The following NCKAP5 variants were observed in gnomAD, a reference collection of about 807,000 sequenced individuals.
NCKAP5 encodes NCK associated protein 5.
In NCKAP5, 92 loss-of-function variants were observed where a neutral mutation model predicts 167.0. That is an observed-to-expected ratio of 0.55 (90% CI 0.47 to 0.66). The LOEUF is 0.66. NCKAP5 is among the 30% of genes least tolerant of loss of function. The pLI is 0.00. For synonymous variants in NCKAP5, 891 were observed against 877.4 expected, an observed-to-expected ratio of 1.02 and a Z score of -0.27; for missense variants, 2,378 against 2,315.0, an observed-to-expected ratio of 1.03 and a Z score of -0.56.
chr2:133,252,896 G>C (rs920051135), intron 4 of NCKAP5, among the ~76,000 whole-genome samples: 6 of 152,202 alleles, frequency 3.9e-5, no homozygotes, highest in African/African-American at 1.4e-4. Context: ...ACAAAAGCAA[G>C]CCACAACCCT....
At chr2:132,830,788 A>G (rs1452322130) in intron 11 of NCKAP5, among the ~76,000 whole-genome samples, 2 of 152,220 alleles carry the variant, frequency 1.3e-5, no homozygotes, top group Non-Finnish European at 2.9e-5. Context: ...GTAGCATTTC[A>G]TGGTCTTTTA....
intron 3 of NCKAP5, among the ~76,000 whole-genome samples, chr2:133,320,713 C>A (rs1681984552): frequency 6.6e-6 from 1 of 151,660 alleles, no homozygotes; most frequent in East Asian, 1.9e-4. Flanking sequence ...GACTCTGTCT[C>A]AAATAAACAA....
intron 7 of NCKAP5, among the ~76,000 whole-genome samples, chr2:132,987,670 G>A (rs948611898): frequency 6.6e-6 from 1 of 152,092 alleles, no homozygotes; most frequent in African/African-American, 2.4e-5. Context: ...CTTTAAGAAG[G>A]TGGGATAAAG....
intron 11 of NCKAP5, among the ~76,000 whole-genome samples, chr2:132,817,861 T>A (rs1686397239): frequency 6.6e-6 from 1 of 152,206 alleles, no homozygotes; most frequent in African/African-American, 2.4e-5. Flanking sequence ...TCAGAGTGTA[T>A]GCTTCACTAA....
At position 132,861,654 on chromosome 2, in the gene NCKAP5, G is replaced by A. The variant is rs375773831; in HGVS notation, c.688-1043C>T. Among the ~76,000 whole-genome samples, 114 of 151,956 alleles carry A rather than the reference G, an allele frequency of 7.5e-4. 1 individual carries two copies. The highest frequency in any genetic ancestry group is 2.6e-3 in the African/African-American group (108 of 41,452). On this transcript the variant is annotated intron_variant, in intron 10 of 19. Transcript: ENST00000409261. ...ACCTTCTTCTTTCAGCCCATATTTG[G>A]CTCTTTGATTGAAGTACAGTTCAAA... is the stretch of plus-strand genomic sequence containing the variant.
At chr2:132,852,626 C>CA (rs1017542238) in intron 11 of NCKAP5, among the ~76,000 whole-genome samples, 1 of 152,164 alleles carries the variant, frequency 6.6e-6, no homozygotes, top group East Asian at 1.9e-4. Flanking sequence ...CAGGGTAAGA[C>CA]AATTTTATAG....
intron 3 of NCKAP5, among the ~76,000 whole-genome samples, chr2:133,456,272 A>T (rs1196373045): frequency 6.6e-6 from 1 of 152,138 alleles, no homozygotes; most frequent in Non-Finnish European, 1.5e-5. Context: ...TGCAGAAAGG[A>T]GTAGCAATTA....
chr2:133,646,767 T>C, the NCKAP5 span, among the ~76,000 whole-genome samples: 2 of 152,082 alleles, frequency 1.3e-5, no homozygotes, highest in Non-Finnish European at 2.9e-5. Context: ...GCTAAAATAA[T>C]GATAGCCAAA....
chr2:132,699,751 C>T (rs189015917), intron 19 of NCKAP5, among the ~76,000 whole-genome samples: 94 of 152,248 alleles, frequency 6.2e-4, no homozygotes, highest in Non-Finnish European at 1.1e-3. Context: ...TGGGTTGGTT[C>T]CAAGTCTTTG....
chr2:132,788,311 T>C (rs1683761852), intron 13 of NCKAP5, among the ~76,000 whole-genome samples: 1 of 151,932 alleles, frequency 6.6e-6, no homozygotes, highest in African/African-American at 2.4e-5. Flanking sequence ...TTCCATTTCT[T>C]GACTGGACAA....
intron 3 of NCKAP5, among the ~76,000 whole-genome samples, chr2:133,481,496 A>C (rs779481919): frequency 3.9e-5 from 6 of 152,164 alleles, no homozygotes; most frequent in Non-Finnish European, 7.3e-5. Context: ...AACTTGTGTC[A>C]TGGGGGTTTG....
chr2:133,023,476 G>A (rs1392985825), intron 6 of NCKAP5, among the ~76,000 whole-genome samples: 1 of 152,000 alleles, frequency 6.6e-6, no homozygotes, highest in African/African-American at 2.4e-5. Context: ...TTAGATTTAG[G>A]GGGTACATGT....
chr2:133,227,336 C>T (rs2086940375), intron 4 of NCKAP5, among the ~76,000 whole-genome samples: 1 of 152,182 alleles, frequency 6.6e-6, no homozygotes, highest in Admixed American at 6.5e-5. Flanking sequence ...TTTACTAAGT[C>T]TACTGCTATG....
the NCKAP5 span, among the ~76,000 whole-genome samples, chr2:133,647,368 G>A: frequency 5.7e-3 from 502 of 88,804 alleles, 35 homozygotes; most frequent in African/African-American, 0.028. Flanking sequence ...AGGAAGGAAG[G>A]AAGAAAGAAA....
chr2:133,456,086 C>A (rs771496562), intron 3 of NCKAP5, among the ~76,000 whole-genome samples: 2 of 152,148 alleles, frequency 1.3e-5, no homozygotes, highest in African/African-American at 4.8e-5. Flanking sequence ...GATATTATCA[C>A]TTTATGATCT....
chr2:133,142,613 C>G (rs1290059686), intron 5 of NCKAP5, among the ~76,000 whole-genome samples: 1 of 152,126 alleles, frequency 6.6e-6, no homozygotes, highest in African/African-American at 2.4e-5. Flanking sequence ...ACAGCAAGAG[C>G]TATTTTTCCA....
chr2:132,994,309 G>A (rs947683283), intron 6 of NCKAP5, 70 bp from the exon 7 acceptor site: 7 of 1,088,588 alleles, frequency 6.4e-6, no homozygotes, highest in Non-Finnish European at 7.9e-6. Flanking sequence ...TCGAGTTGTA[G>A]AAATCACTCT....
chr2:133,458,596 G>T (rs1171879872), intron 3 of NCKAP5, among the ~76,000 whole-genome samples: 1 of 152,132 alleles, frequency 6.6e-6, no homozygotes, highest in African/African-American at 2.4e-5. Flanking sequence ...TGGATTCTGA[G>T]TGTCACCTTT....
rs571011048 is a variant in NCKAP5, at chr2:133,164,630, A to C, written c.208-34519T>G. Among the ~76,000 whole-genome samples the C allele has an allele frequency of 7.2e-5, 11 of 152,276 alleles. No homozygotes were observed. The South Asian group carries it at 2.1e-3, about 29-fold the overall frequency. On this transcript the variant is annotated intron_variant, in intron 5 of 19. Coordinates refer to ENST00000409261, the MANE Select transcript of NCKAP5 (RefSeq NM_207363.3). ...TCTTGTCTTTCACCATTTCTACTCC[A>C]AATCAAGTCCAAGTTCTTGCCACTT... is the stretch of plus-strand genomic sequence containing the variant.
Sources: gnomAD v4.1 joint callset for allele counts (sites outside exome capture counted in the v4.1 genomes callset) on GRCh38, gnomAD v4.1.1 for gene constraint, MANE v1.5 for transcripts, NCBI Gene and HGNC (gene_info 2026-07-23, HGNC 2026-07-21) for gene names.